The following ASTN1 variants were observed in gnomAD, a reference collection of about 807,000 sequenced individuals.
ASTN1 encodes the protein astrotactin-1.
A neutral mutation model predicts 140.7 loss-of-function variants in ASTN1; 41 were observed. That is an observed-to-expected ratio of 0.29 (90% CI 0.23 to 0.38). The LOEUF (loss-of-function observed/expected upper bound fraction) is 0.38, where lower values mean the gene tolerates loss of function less well. Among genes scored for constraint, ASTN1 ranks in the 10% least tolerant of loss-of-function variants. ASTN1 has a pLI of 1.00. For synonymous variants in ASTN1, 640 were observed against 652.2 expected (o/e 0.98, Z 0.29); for missense variants, 1,479 against 1,678.8 (o/e 0.88, Z 2.08).
chr1:176,948,565 CT>C (rs1220446264), intron 12 of ASTN1, among the ~76,000 whole-genome samples: 1 of 152,134 alleles, frequency 6.6e-6, no homozygotes, highest in Non-Finnish European at 1.5e-5. Flanking sequence ...GTTTTTCCAT[CT>C]GTAAAATGGG....
intron 1 of ASTN1, among the ~76,000 whole-genome samples, chr1:177,076,484 C>T (rs1678918662): frequency 6.6e-6 from 1 of 150,942 alleles, no homozygotes; most frequent in Admixed American, 6.6e-5. Context: ...AAAGAAAAGA[C>T]GTTTCTCTGC....
In ASTN1 at chr1:176,863,735, C is replaced by A. The variant is rs57121166; in HGVS notation, c.*549G>T. ...GTGATAGCAAGGCCTAGGAAGAAAA[C>A]CAGGAGACACAGACAAGGGCCACCT... On this transcript the variant is annotated 3_prime_UTR_variant, in exon 23 of 23. Transcript: ENST00000361833. 2,507 of 986,692 alleles carry A rather than the reference C, an allele frequency of 2.5e-3. 50 individuals carry two copies. In the African/African-American group the frequency reaches 0.04, roughly 16 times the overall value. 61.1% of individuals were successfully genotyped at this position (986,692 alleles called of 1,614,324 possible). A position where few individuals can be genotyped will look rare whatever the true frequency, so the allele number is the denominator to read the frequency against.
chr1:176,861,395 G>C lies in ASTN1; in HGVS notation c.*2889C>G. On this transcript the variant is annotated 3_prime_UTR_variant, in exon 23 of 23. Transcript: ENST00000361833. ...GGTCTTGGGGACATGGGAGCTGGGAGAGTGTTGGTGGGATATAAGCACCTC... is the reference window on the plus strand; with the variant it reads ...GGTCTTGGGGACATGGGAGCTGGGACAGTGTTGGTGGGATATAAGCACCTC... The C allele has an allele frequency of 1.0e-6, 1 of 985,856 alleles. No individual in the cohort carries two copies. The allele number at this position is 985,856 out of a possible 1,614,324, so 61.1% of individuals were successfully genotyped here. A position where few individuals can be genotyped will look rare whatever the true frequency, so the allele number is the denominator to read the frequency against.
intron 8 of ASTN1, among the ~76,000 whole-genome samples, chr1:176,975,847 T>A (rs909109252): frequency 2.6e-5 from 4 of 152,192 alleles, no homozygotes; most frequent in Non-Finnish European, 5.9e-5. Context: ...ATTTTTAAAA[T>A]ATTAGGTGGA....
In ASTN1 at chr1:177,032,681, G is replaced by T. The variant is rs534788724; in HGVS notation, c.640C>A (p.Arg214=). 2 of 1,614,070 alleles carry T rather than the reference G, an allele frequency of 1.2e-6. No homozygotes were observed. ...ACGCGGGCATTGCGCAGGCTCTCCCGTCCGTGCCCGCCGATCAGCACAGAA... is the reference window on the plus strand; with the variant it reads ...ACGCGGGCATTGCGCAGGCTCTCCCTTCCGTGCCCGCCGATCAGCACAGAA... ...IPSVLIGGHG[R]ESLRNARVQG... Residue 214 remains arginine, a synonymous_variant, in exon 3 of 23, where the codon CGG becomes AGG. Coordinates refer to ENST00000361833, the MANE Select transcript of ASTN1 (RefSeq NM_004319.3).
At chr1:177,060,900 C>G (rs1359734441) in intron 2 of ASTN1, among the ~76,000 whole-genome samples, 178 bp downstream of exon 2, 1 of 152,150 alleles carries the variant, frequency 6.6e-6, no homozygotes, top group Non-Finnish European at 1.5e-5. Flanking sequence ...GAAATAGTTG[C>G]AATTATTACT....
chr1:176,969,045 G>A (rs1258352011), intron 8 of ASTN1, among the ~76,000 whole-genome samples: 1 of 152,120 alleles, frequency 6.6e-6, no homozygotes, highest in East Asian at 1.9e-4. Flanking sequence ...AGAGCTGGAC[G>A]TAAAAGCACT....
rs172917 is a variant in ASTN1 at position 177,023,417 on chromosome 1, A to G, written c.1425T>C (p.Cys475=). The G allele has an allele frequency of 0.59, 936,824 of 1,592,448 alleles. 282,406 individuals are homozygous for G. Among genetic ancestry groups the G allele is most frequent in the African/African-American group, 0.74 (55,011 of 74,064 alleles). ...RRLLDPCEHQ[C]DPETGECLCY... ...GCTCCCGCCTACCAGTTTCGGGGTC[A>G]CATTGGTGTTCACAGGGGTCCAGGA... Residue 475 remains cysteine (C), a synonymous_variant, in exon 7 of 23, where the codon TGT becomes TGC. Transcript: ENST00000361833.
chr1:177,100,858 C>T (rs566468669), intron 1 of ASTN1, among the ~76,000 whole-genome samples: 7 of 152,154 alleles, frequency 4.6e-5, no homozygotes, highest in Non-Finnish European at 1.0e-4. Context: ...TTTGGGAGGC[C>T]GAAGTGGGCA....
chr1:176,883,162 C>A (rs1668881619), intron 19 of ASTN1, among the ~76,000 whole-genome samples, 168 bp from the exon 20 acceptor site: 1 of 151,894 alleles, frequency 6.6e-6, no homozygotes, highest in Admixed American at 6.5e-5. Flanking sequence ...CATATTTAAC[C>A]ACTCAGAGCT....
intron 1 of ASTN1, among the ~76,000 whole-genome samples, chr1:177,138,339 T>C (rs1682295534): frequency 6.6e-6 from 1 of 152,164 alleles, no homozygotes; most frequent in South Asian, 2.1e-4. Flanking sequence ...ATATAACTGC[T>C]GGTTGGGATA....
chr1:176,875,789 A>ATTAG (rs1439774929), intron 21 of ASTN1, among the ~76,000 whole-genome samples: 4 of 152,198 alleles, frequency 2.6e-5, no homozygotes, highest in African/African-American at 7.2e-5. Context: ...ATACTACCAC[A>ATTAG]TTAGTGGTTG....
In ASTN1 at chr1:177,092,537, G is replaced by A. The variant is rs190881893; in HGVS notation, c.284-31272C>T. Among the ~76,000 whole-genome samples the A allele has an allele frequency of 1.1e-3, 174 of 152,142 alleles. 1 individual carries two copies. Among genetic ancestry groups the A allele is most frequent in the African/African-American group, 4.0e-3 (168 of 41,510 alleles). ...CAAATTTACCTAGTTTTCTTTTGTC[G>A]CTTTTGCTTTTGGTGTCATATTTAA... On this transcript the variant is annotated intron_variant, in intron 1 of 22. Transcript: ENST00000361833.
downstream of ASTN1, among the ~76,000 whole-genome samples, chr1:176,860,738 G>A (rs1296915112): frequency 6.6e-6 from 1 of 152,104 alleles, no homozygotes; most frequent in Non-Finnish European, 1.5e-5. Context: ...TTTCCCCATA[G>A]GATGCCACGC....
In ASTN1 at chr1:177,139,314, G is replaced by C. The variant is rs115783132; in HGVS notation, c.283+25080C>G. On this transcript the variant is annotated intron_variant, in intron 1 of 22. Transcript: ENST00000361833. The stretch of plus-strand genomic sequence containing the variant: ...AAAACTGTGGGACTTTTGATATAAG[G>C]GATATCTATGTGAGATAGGGCAAAT... Among the ~76,000 whole-genome samples, 452 of 152,258 alleles carry C rather than the reference G, an allele frequency of 3.0e-3. 2 individuals carry two copies. Among genetic ancestry groups the C allele is most frequent in the African/African-American group, 0.01 (435 of 41,556 alleles).
intron 8 of ASTN1, among the ~76,000 whole-genome samples, chr1:176,990,102 G>A (rs999799661): frequency 6.6e-6 from 1 of 151,748 alleles, no homozygotes; most frequent in Non-Finnish European, 1.5e-5. Context: ...TCCAACAAAT[G>A]CAGTAAAAAG....
intron 1 of ASTN1, among the ~76,000 whole-genome samples, chr1:177,096,901 C>T (rs1389321087): frequency 6.6e-6 from 1 of 152,144 alleles, no homozygotes; most frequent in African/African-American, 2.4e-5. Flanking sequence ...CAGTGAGCTG[C>T]TTTGCCTTTT....
Position 177,148,185 on chromosome 1 carries a change from G to A in ASTN1, c.283+16209C>T, listed in dbSNP as rs369235238. On this transcript the variant is annotated intron_variant, in intron 1 of 22. Transcript: ENST00000361833. ...TGTAATCCCAGCACTTTGGGAGGCCGAGGCAGGCGGATCACAAGGTCAGGA... is the reference window on the plus strand; with the variant it reads ...TGTAATCCCAGCACTTTGGGAGGCCAAGGCAGGCGGATCACAAGGTCAGGA... Among the ~76,000 whole-genome samples, 553 of 152,228 alleles carry A rather than the reference G, an allele frequency of 3.6e-3. 5 individuals are homozygous for A. Among genetic ancestry groups the A allele is most frequent in the African/African-American group, 0.013 (521 of 41,538 alleles).
chr1:176,879,375 C>T (rs1668695876), intron 20 of ASTN1, among the ~76,000 whole-genome samples: 2 of 152,190 alleles, frequency 1.3e-5, no homozygotes, highest in Admixed American at 1.3e-4. Context: ...CAGCTCTGGG[C>T]CACATGATGC....
Sources: allele counts gnomAD v4.1 joint callset (sites outside exome capture counted in the v4.1 genomes callset), GRCh38; gene constraint gnomAD v4.1.1; transcripts MANE v1.5; gene names NCBI Gene and HGNC (gene_info 2026-07-23, HGNC 2026-07-21).